Variants in NR4A2 observed in about 807,000 individuals in gnomAD.
NR4A2 encodes the protein NGFI-B/nur77 beta-type transcription factor homolog.
In NR4A2, 1 loss-of-function variant was observed where a neutral mutation model predicts 50.5. The observed-to-expected ratio is 0.02, with a 90% confidence interval of 0.01 to 0.09. The LOEUF (loss-of-function observed/expected upper bound fraction) is 0.09, where lower values mean the gene tolerates loss of function less well. Ranked by LOEUF, NR4A2 falls within the 10% of genes least tolerant of loss-of-function variation. The pLI, the probability that NR4A2 is intolerant of heterozygous loss-of-function variation, is 1.00. For synonymous variants in NR4A2, 328 were observed against 309.4 expected (o/e 1.06, Z -0.63); for missense variants, 613 against 777.3 (o/e 0.79, Z 2.51).
chr2:156,326,413 G>C lies in NR4A2; in HGVS notation c.1362-85C>G. On this transcript the variant is annotated intron_variant, in intron 6 of 7. Transcript: ENST00000339562. This position sits in a 1 kb window ranked among gnomAD's most constrained non-coding sequence, Gnocchi z 4.2. ...TAATTACTTGAAGAGCAATAAATGA[G>C]GGATTTAAGAGTCACCTAATTACTG... 1 of 1,278,570 alleles carries C rather than the reference G, an allele frequency of 7.8e-7. No homozygotes were observed. Among genetic ancestry groups the C allele is most frequent in the South Asian group, 1.2e-5 (1 of 83,076 alleles). 79.2% of individuals were successfully genotyped at this position (1,278,570 alleles called of 1,614,324 possible).
At chr2:156,332,118 T>C (rs1423062430) in intron 1 of NR4A2, among the ~76,000 whole-genome samples, 2 of 152,210 alleles carry the variant, frequency 1.3e-5, no homozygotes, top group African/African-American at 2.4e-5. Context: ...CTCGTATACA[T>C]AGGACTTGGA....
Position 156,325,614 on chromosome 2 carries a change from G to C in NR4A2, c.*130C>G. 2.6e-6 allele frequency: 3 copies of C among 1,165,248 alleles called. No individual in the cohort carries two copies. The highest frequency in any genetic ancestry group is 3.9e-6 in the Non-Finnish European group (3 of 774,458). The allele number at this position is 1,165,248 out of a possible 1,614,324, so 72.2% of individuals were successfully genotyped here. ...TTTTCTTTAGGGATCAAGGGGGCTA[G>C]GAGGGTTACAGAAATGGGGGGCAGC... is the stretch of plus-strand genomic sequence containing the variant. On this transcript the variant is annotated 3_prime_UTR_variant, in exon 8 of 8. Coordinates refer to ENST00000339562, the MANE Select transcript of NR4A2 (RefSeq NM_006186.4).
chr2:156,329,197 C>T lies in NR4A2; in HGVS notation c.864+126G>A. 1.4e-6 allele frequency: 2 copies of T among 1,389,910 alleles called. No homozygotes were observed. Among genetic ancestry groups the T allele is most frequent in the Non-Finnish European group, 9.9e-7 (1 of 1,011,018 alleles). The allele number at this position is 1,389,910 out of a possible 1,614,324, so 86.1% of individuals were successfully genotyped here. On this transcript the variant is annotated intron_variant, in intron 3 of 7. Transcript: ENST00000339562. This position sits in a 1 kb window ranked among gnomAD's most constrained non-coding sequence, Gnocchi z 7.5. The stretch of plus-strand genomic sequence containing the variant: ...CTCCTGCAGGGCAGCTTCGGCGGAC[C>T]CCGGAGAGCTGGGCAGTCCCGGGAG...
In NR4A2 at chr2:156,326,293, T is replaced by C. The variant is rs763746559; in HGVS notation, c.1397A>G (p.Asn466Ser). 9.3e-6 allele frequency: 15 copies of C among 1,613,968 alleles called. No homozygotes were observed. The highest frequency in any genetic ancestry group is 8.9e-5 in the East Asian group (4 of 44,902). Residue 466 changes from asparagine (N) to serine (S), a missense_variant, in exon 7 of 8, where the codon AAT (asparagine) becomes AGT (serine). Coordinates refer to ENST00000339562, the MANE Select transcript of NR4A2 (RefSeq NM_006186.4). This position sits in a 1 kb window ranked among gnomAD's most constrained non-coding sequence, Gnocchi z 4.2. ...TTGCAACCTGTGCAAGACCACCCCA[T>C]TGCAAAAGATGAGTTTACCCTCCAC... ...NPVEGKLIFC[N>S]GVVLHRLQCV...
Position 156,327,865 on chromosome 2 carries a change from G to C in NR4A2, c.1144C>G (p.Leu382Val), listed in dbSNP as rs1396264680. The change falls in exon 5 of 8, where the codon CTG (leucine) becomes GTG (valine). Residue 382 changes from leucine to valine, a missense_variant. By Grantham distance (32) the Leu-to-Val change is conservative. This residue lies in a region of NR4A2 where 250 missense variants were observed against 311.3 expected (regional missense o/e 0.80). Transcript: ENST00000339562. The part of the protein sequence containing the change: ...HVDSNPAMTS[L>V]DYSRFQANPD... ...CAGCTTCTTACCCTGGAATAGTCCAGGCTGGTCATAGCCGGGTTGGAGTCG... is the reference window on the plus strand; with the variant it reads ...CAGCTTCTTACCCTGGAATAGTCCACGCTGGTCATAGCCGGGTTGGAGTCG... 2 of 1,585,968 alleles carry C rather than the reference G, an allele frequency of 1.3e-6. No individual in the cohort carries two copies. The highest frequency in any genetic ancestry group is 1.7e-6 in the Non-Finnish European group (2 of 1,165,132).
chr2:156,326,694 T>C lies in NR4A2; in HGVS notation c.1361+24A>G, dbSNP rs1686657980. The C allele has an allele frequency of 1.3e-6, 2 of 1,513,780 alleles. No homozygotes were observed. Among genetic ancestry groups the C allele is most frequent in the Middle Eastern group, 1.7e-4 (1 of 5,908 alleles). 93.8% of individuals were successfully genotyped at this position (1,513,780 alleles called of 1,614,324 possible). ...TGATTTCTCTCACAGCCTCCCTGGATTGTCTCCCTCCCTCCCTTATTACCT... is the reference window on the plus strand; with the variant it reads ...TGATTTCTCTCACAGCCTCCCTGGACTGTCTCCCTCCCTCCCTTATTACCT... On this transcript the variant is annotated intron_variant, in intron 6 of 7. Coordinates refer to ENST00000339562, the MANE Select transcript of NR4A2 (RefSeq NM_006186.4). This position sits in a 1 kb window ranked among gnomAD's most constrained non-coding sequence, Gnocchi z 4.2.
In NR4A2 at chr2:156,325,463, A is replaced by T. The variant is rs1686599926; in HGVS notation, c.*281T>A. 1 of 445,928 alleles carries T rather than the reference A, an allele frequency of 2.2e-6. No homozygotes were observed. The highest frequency in any genetic ancestry group is 4.6e-5 in the East Asian group (1 of 21,954). 27.6% of individuals were successfully genotyped at this position (445,928 alleles called of 1,614,324 possible). On this transcript the variant is annotated 3_prime_UTR_variant, in exon 8 of 8. Transcript: ENST00000339562. ...ACAAACTGATTTTTAAACTGAGAAT[A>T]AAAAGTTTATACCACTGTATTGTGT...
intron 2 of NR4A2, 61 bp from the exon 3 acceptor site, chr2:156,330,249 C>T (rs1307008218): frequency 1.9e-6 from 3 of 1,592,456 alleles, no homozygotes; most frequent in Middle Eastern, 1.6e-4. Context: ...TTCTCCCGGG[C>T]TCGGGTACAC....
chr2:156,325,772 T>C lies in NR4A2; in HGVS notation c.1769A>G (p.Lys590Arg). The C allele has an allele frequency of 1.2e-6, 2 of 1,614,106 alleles. No homozygotes were observed. Among genetic ancestry groups the C allele is most frequent in the Non-Finnish European group, 1.7e-6 (2 of 1,180,030 alleles). The stretch of plus-strand genomic sequence containing the variant: ...GAAAGGTAAAGTGTCCAGGAAAAGT[T>C]TGTCAATTATTGCTGGCGGTGGCAC... ...DLVPPPAIID[K>R]LFLDTLPF is the part of the protein sequence containing the mutation. The change falls in exon 8 of 8, where the codon AAA becomes AGA. Residue 590 changes from lysine to arginine, a missense_variant. Transcript: ENST00000339562.
chr2:156,326,702 C>T lies in NR4A2; in HGVS notation c.1361+16G>A, dbSNP rs1290773486. On this transcript the variant is annotated intron_variant, in intron 6 of 7. Coordinates refer to ENST00000339562, the MANE Select transcript of NR4A2 (RefSeq NM_006186.4). The surrounding 1 kb of genome is among the most constrained non-coding windows in gnomAD (Gnocchi z 4.2). ...CTCACAGCCTCCCTGGATTGTCTCC[C>T]TCCCTCCCTTATTACCTGTATGCTA... 3.8e-6 allele frequency: 6 copies of T among 1,573,470 alleles called. No individual in the cohort carries two copies. In the South Asian group the frequency reaches 4.4e-5, roughly 12 times the overall value.
chr2:156,328,326 G>T lies in NR4A2; in HGVS notation c.994+78C>A. On this transcript the variant is annotated intron_variant, in intron 4 of 7. Transcript: ENST00000339562. The surrounding 1 kb of genome is among the most constrained non-coding windows in gnomAD (Gnocchi z 4.9). The stretch of plus-strand genomic sequence containing the variant: ...AGTCGGAGATCCCCAGCACCGGGAA[G>T]TGGAACGTGATGCTGGAGTATGAGC... The T allele has an allele frequency of 1.2e-6, 2 of 1,604,942 alleles. No individual in the cohort carries two copies. Among genetic ancestry groups the T allele is most frequent in the Admixed American group, 3.3e-5 (2 of 60,002 alleles).
chr2:156,329,201 G>T lies in NR4A2; in HGVS notation c.864+122C>A. On this transcript the variant is annotated intron_variant, in intron 3 of 7. Transcript: ENST00000339562. The surrounding 1 kb of genome is among the most constrained non-coding windows in gnomAD (Gnocchi z 7.5). ...TGCAGGGCAGCTTCGGCGGACCCCG[G>T]AGAGCTGGGCAGTCCCGGGAGAGCT... is the stretch of plus-strand genomic sequence containing the variant. 1.4e-6 allele frequency: 2 copies of T among 1,412,514 alleles called. No homozygotes were observed. The highest frequency in any genetic ancestry group is 9.7e-7 in the Non-Finnish European group (1 of 1,030,244). 87.5% of individuals were successfully genotyped at this position (1,412,514 alleles called of 1,614,324 possible). A position where few individuals can be genotyped will look rare whatever the true frequency, so the allele number is the denominator to read the frequency against.
At position 156,328,135 on chromosome 2, in the gene NR4A2, T is replaced by G; in HGVS notation, c.995-121A>C. 3.0e-6 allele frequency: 4 copies of G among 1,342,602 alleles called. No individual in the cohort carries two copies. Among genetic ancestry groups the G allele is most frequent in the Non-Finnish European group, 4.1e-6 (4 of 963,964 alleles). The allele number at this position is 1,342,602 out of a possible 1,614,324, so 83.2% of individuals were successfully genotyped here. On this transcript the variant is annotated intron_variant, in intron 4 of 7. Transcript: ENST00000339562. The surrounding 1 kb of genome is among the most constrained non-coding windows in gnomAD (Gnocchi z 4.9). ...CAGGCTGAGCGGCTGAGGGCCCCAG[T>G]GCTTGTAAAGCCTTCACTGACTAGA...
intron 5 of NR4A2, 30 bp downstream of exon 5, chr2:156,327,821 C>A: frequency 6.4e-7 from 1 of 1,558,448 alleles, no homozygotes. Context: ...TCGGTTTGTC[C>A]ACATGATATC....
Position 156,329,754 on chromosome 2 carries a change from C to G in NR4A2, c.433G>C (p.Asp145His). 6.2e-7 allele frequency: 1 copy of G among 1,613,536 alleles called. No individual in the cohort carries two copies. The highest frequency in any genetic ancestry group is 8.5e-7 in the Non-Finnish European group (1 of 1,179,584). The change falls in exon 3 of 8, where the codon GAC becomes CAC. Residue 145 changes from aspartate to histidine, a missense_variant. Transcript: ENST00000339562. The surrounding 1 kb of genome is among the most constrained non-coding windows in gnomAD (Gnocchi z 7.5). ...FQVQHSPMWD[D>H]PGSLHNFHQN... ...TGGAAGTTGTGGAGAGATCCCGGGTCGTCCCACATGGGGCTGTGCTGCACC... is the reference window on the plus strand; with the variant it reads ...TGGAAGTTGTGGAGAGATCCCGGGTGGTCCCACATGGGGCTGTGCTGCACC...
chr2:156,326,804 A>G lies in NR4A2; in HGVS notation c.1275T>C (p.Pro425=), dbSNP rs1392618086. The change falls in exon 6 of 8, where the codon CCT becomes CCC. Residue 425 remains proline, a synonymous_variant. Transcript: ENST00000339562. This position sits in a 1 kb window ranked among gnomAD's most constrained non-coding sequence, Gnocchi z 4.2. ...CGGCTTTGGGCAGGTCTGCGAAGCC[A>G]GGGATCTTCTCTGCCCAGCCCCGGA... ...EIIRGWAEKI[P]GFADLPKADQ... is the part of the protein sequence containing the mutation. The G allele has an allele frequency of 1.2e-6, 2 of 1,614,134 alleles. No homozygotes were observed. The highest frequency in any genetic ancestry group is 1.3e-5 in the African/African-American group (1 of 74,942).
Position 156,325,882 on chromosome 2 carries a change from G to A in NR4A2, c.1659C>T (p.Ser553=). The change falls in exon 8 of 8, where the codon TCC becomes TCT. Residue 553 remains serine, a synonymous_variant. Coordinates refer to ENST00000339562, the MANE Select transcript of NR4A2 (RefSeq NM_006186.4). ...NGGLNRPNYL[S]KLLGKLPELR... is the part of the protein sequence containing the mutation. ...GTTCTGGGAGCTTCCCCAACAGTTTGGACAAATAATTGGGGCGGTTCAACC... is the reference window on the plus strand; with the variant it reads ...GTTCTGGGAGCTTCCCCAACAGTTTAGACAAATAATTGGGGCGGTTCAACC... 6.2e-7 allele frequency: 1 copy of A among 1,614,188 alleles called. No homozygotes were observed. The highest frequency in any genetic ancestry group is 8.5e-7 in the Non-Finnish European group (1 of 1,180,032).
Position 156,329,968 on chromosome 2 carries a change from G to C in NR4A2, c.219C>G (p.Val73=). The change falls in exon 3 of 8, where the codon GTC becomes GTG. Residue 73 remains valine (V), a synonymous_variant. Coordinates refer to ENST00000339562, the MANE Select transcript of NR4A2 (RefSeq NM_006186.4). The surrounding 1 kb of genome is among the most constrained non-coding windows in gnomAD (Gnocchi z 7.5). ...FMDNYSTGYD[V]KPPCLYQMPL... ...GCATTTGGTACAAGCAAGGTGGCTT[G>C]ACGTCGTAGCCTGTGCTGTAGTTGT... 6.2e-7 allele frequency: 1 copy of C among 1,614,224 alleles called. No homozygotes were observed. Among genetic ancestry groups the C allele is most frequent in the Middle Eastern group, 1.6e-4 (1 of 6,062 alleles).
chr2:156,328,301 A>C lies in NR4A2; in HGVS notation c.994+103T>G. 4 of 1,570,168 alleles carry C rather than the reference A, an allele frequency of 2.5e-6. No homozygotes were observed. Among genetic ancestry groups the C allele is most frequent in the Non-Finnish European group, 3.5e-6 (4 of 1,142,360 alleles). Reference sequence around the variant, plus strand: ...GGTCCTGGAGGCCATACTGAGGGGGAGTCGGAGATCCCCAGCACCGGGAAG... The same window carrying C: ...GGTCCTGGAGGCCATACTGAGGGGGCGTCGGAGATCCCCAGCACCGGGAAG... On this transcript the variant is annotated intron_variant, in intron 4 of 7. Coordinates refer to ENST00000339562, the MANE Select transcript of NR4A2 (RefSeq NM_006186.4). This position sits in a 1 kb window ranked among gnomAD's most constrained non-coding sequence, Gnocchi z 4.9.
Sources: gnomAD v4.1 joint callset for allele counts (sites outside exome capture counted in the v4.1 genomes callset) on GRCh38, gnomAD v4.1.1 for gene constraint, gnomAD v4.1.1 regional missense constraint, Gnocchi (gnomAD v3.1) non-coding constraint, MANE v1.5 for transcripts, NCBI Gene and HGNC (gene_info 2026-07-23, HGNC 2026-07-21) for gene names.